Variants in ZSCAN25 observed in about 807,000 individuals in gnomAD.
The protein encoded by ZSCAN25 is zinc finger and SCAN domain-containing protein 25.
ZSCAN25 carries 27 observed loss-of-function variants against 38.7 expected under a neutral mutation model. The observed-to-expected ratio is 0.70, with a 90% CI of 0.51 to 0.96. The LOEUF is 0.96. ZSCAN25 is among the 40% of genes least tolerant of loss of function. The probability of loss-of-function intolerance (pLI) is 0.00; values close to 1 mark genes in which losing one functional copy is unlikely to be tolerated. For synonymous variants in ZSCAN25, 273 were observed against 277.7 expected (o/e 0.98, Z 0.17); for missense variants, 637 against 705.9 (o/e 0.90, Z 1.11).
chr7:99,638,831 C>T, the ZSCAN25 span: 28 of 690,524 alleles, frequency 4.1e-5, 1 homozygote, highest in Admixed American at 6.2e-4. Context: ...ACAACGCCGC[C>T]GCCGCTGCGA....
the ZSCAN25 span, among the ~76,000 whole-genome samples, chr7:99,695,214 AT>A: frequency 2.6e-5 from 4 of 152,154 alleles, no homozygotes; most frequent in Admixed American, 1.3e-4. Context: ...GGGATTTAGC[AT>A]TTTTTGGAGA....
At chr7:99,711,812 G>A in the ZSCAN25 span, among the ~76,000 whole-genome samples, 1 of 151,802 alleles carries the variant, frequency 6.6e-6, no homozygotes, top group African/African-American at 2.4e-5. Context: ...AAACAGAAAT[G>A]CAAAATCTCA....
chr7:99,720,459 A>G, the ZSCAN25 span: 2 of 1,608,356 alleles, frequency 1.2e-6, no homozygotes, highest in South Asian at 1.1e-5. Context: ...GCCTTATGCT[A>G]CAGCTGGAGC....
chr7:99,724,636 G>A, the ZSCAN25 span, among the ~76,000 whole-genome samples: 1 of 151,686 alleles, frequency 6.6e-6, no homozygotes, highest in African/African-American at 2.4e-5. Flanking sequence ...CCCTATAATA[G>A]AAGTATCACC....
the ZSCAN25 span, chr7:99,648,287 A>G: frequency 4.4e-6 from 7 of 1,606,358 alleles, no homozygotes; most frequent in Non-Finnish European, 5.9e-6. Flanking sequence ...AGACCAAAGT[A>G]GAAATCCTTA....
the ZSCAN25 span, chr7:99,710,688 A>G: frequency 6.2e-7 from 1 of 1,613,230 alleles, no homozygotes; most frequent in Non-Finnish European, 8.5e-7. Context: ...CATCTTTGCT[A>G]AGGCTTCACC....
the ZSCAN25 span, among the ~76,000 whole-genome samples, chr7:99,657,706 G>T: frequency 6.6e-6 from 1 of 152,276 alleles, no homozygotes; most frequent in African/African-American, 2.4e-5. Context: ...CATTATTATT[G>T]TGTGGGAGTC....
the ZSCAN25 span, among the ~76,000 whole-genome samples, chr7:99,704,465 A>AT: frequency 6.6e-6 from 1 of 151,794 alleles, no homozygotes; most frequent in African/African-American, 2.4e-5. Flanking sequence ...TAATTTTTGT[A>AT]TTTTTAGTAG....
chr7:99,683,788 C>G, the ZSCAN25 span, among the ~76,000 whole-genome samples: 24 of 152,108 alleles, frequency 1.6e-4, no homozygotes, highest in Non-Finnish European at 2.8e-4. Context: ...TGATCCTCAC[C>G]CTACTAGGTC....
At chr7:99,659,669 A>C in the ZSCAN25 span, 4 of 152,720 alleles carry the variant, frequency 2.6e-5, no homozygotes, top group East Asian at 1.9e-4. Context: ...CTCTGCCCCT[A>C]GAGGTGGAGT....
At chr7:99,663,146 T>C in the ZSCAN25 span, 1 of 1,189,828 alleles carries the variant, frequency 8.4e-7, no homozygotes, top group East Asian at 4.9e-5. Flanking sequence ...CTTCTCTGTC[T>C]TTTGGATACA....
the ZSCAN25 span, among the ~76,000 whole-genome samples, chr7:99,655,154 A>G: frequency 2.0e-5 from 3 of 152,178 alleles, no homozygotes; most frequent in Admixed American, 2.0e-4. Context: ...GTCCTTGCCC[A>G]TGCCTCTGTA....
the ZSCAN25 span, among the ~76,000 whole-genome samples, chr7:99,689,579 T>C: frequency 6.6e-6 from 1 of 152,152 alleles, no homozygotes; most frequent in Non-Finnish European, 1.5e-5. Context: ...AAAATCTCCT[T>C]AAGCTGATAA....
the ZSCAN25 span, among the ~76,000 whole-genome samples, chr7:99,693,661 T>G: frequency 1.3e-5 from 2 of 152,238 alleles, no homozygotes; most frequent in Non-Finnish European, 2.9e-5. Flanking sequence ...CAGGTGGATC[T>G]CAGACTGCTG....
At position 99,630,733 on chromosome 7, in the gene ZSCAN25, A is replaced by G. The variant is rs1465993440; in HGVS notation, c.*713A>G. On this transcript the variant is annotated 3_prime_UTR_variant, in exon 8 of 8. Transcript: ENST00000394152. ...CATCTGTGTCAGGCTATAACATTCT[A>G]TCCTCATCTGTAAAACTTCCCCGTC... The G allele has an allele frequency of 2.0e-6, 2 of 985,290 alleles. No homozygotes were observed. The highest frequency in any genetic ancestry group is 1.1e-4 in the East Asian group (1 of 8,826). 61.0% of individuals were successfully genotyped at this position (985,290 alleles called of 1,614,324 possible).
the ZSCAN25 span, among the ~76,000 whole-genome samples, chr7:99,682,850 C>T: frequency 6.6e-6 from 1 of 151,918 alleles, no homozygotes; most frequent in East Asian, 1.9e-4. Flanking sequence ...TAAGTTAATT[C>T]CCAGGTATTT....
At chr7:99,627,553 T>A (rs1180897517) in intron 7 of ZSCAN25, among the ~76,000 whole-genome samples, 4 of 151,960 alleles carry the variant, frequency 2.6e-5, no homozygotes, top group African/African-American at 9.7e-5. Flanking sequence ...GTCACAAACA[T>A]GATATTGAGT....
the ZSCAN25 span, among the ~76,000 whole-genome samples, chr7:99,721,204 AT>A: frequency 6.6e-6 from 1 of 152,242 alleles, no homozygotes; most frequent in East Asian, 1.9e-4. Flanking sequence ...TTCAGCAGAA[AT>A]GTATAGACAA....
the ZSCAN25 span, chr7:99,660,519 C>A: frequency 3.7e-6 from 6 of 1,612,966 alleles, no homozygotes; most frequent in East Asian, 1.1e-4. Context: ...AAAACTGCAT[C>A]AATCTCCTTT....
Sources: allele counts gnomAD v4.1 joint callset (sites outside exome capture counted in the v4.1 genomes callset), GRCh38; gene constraint gnomAD v4.1.1; transcripts MANE v1.5; gene names NCBI Gene and HGNC (gene_info 2026-07-23, HGNC 2026-07-21).